Variants in SLC13A3 observed in about 807,000 individuals in gnomAD.
SLC13A3 encodes the protein solute carrier family 13 member 3.
SLC13A3 carries 40 observed loss-of-function variants against 59.0 expected under a neutral mutation model. The observed-to-expected ratio is 0.68, with a 90% CI of 0.53 to 0.88. SLC13A3 has a LOEUF of 0.88. Among genes scored for constraint, SLC13A3 ranks in the 40% least tolerant of loss-of-function variants. The pLI, the probability that SLC13A3 is intolerant of heterozygous loss-of-function variation, is 0.00. For missense variants in SLC13A3, 699 were observed against 783.2 expected, an observed-to-expected ratio of 0.89 and a Z score of 1.28; for synonymous variants, 317 against 330.3, an observed-to-expected ratio of 0.96 and a Z score of 0.44.
chr20:46,644,894 G>A (rs1249768943), intron 1 of SLC13A3, among the ~76,000 whole-genome samples: 1 of 152,178 alleles, frequency 6.6e-6, no homozygotes, highest in Non-Finnish European at 1.5e-5. Context: ...AGTCTGGTGG[G>A]GTGGTTTTGC....
chr20:46,655,964 T>A (rs958589263), upstream of SLC13A3, among the ~76,000 whole-genome samples: 9 of 142,950 alleles, frequency 6.3e-5, no homozygotes, highest in Non-Finnish European at 1.2e-4. Flanking sequence ...TATACATATA[T>A]GTATATATGT....
intron 10 of SLC13A3, among the ~76,000 whole-genome samples, chr20:46,573,310 T>C (rs1568913201): frequency 6.6e-6 from 1 of 152,194 alleles, no homozygotes; most frequent in Non-Finnish European, 1.5e-5. Flanking sequence ...TACCTGCACC[T>C]GGGGCAGCTT....
At chr20:46,652,942 C>T (rs1465119843), upstream of SLC13A3, among the ~76,000 whole-genome samples, 1 of 152,152 alleles carries the variant, frequency 6.6e-6, no homozygotes, top group Non-Finnish European at 1.5e-5. Flanking sequence ...TTATTTTAAC[C>T]ATTCTGACAG....
At chr20:46,588,282 G>A in intron 7 of SLC13A3, 119 bp from the exon 8 acceptor site, 1 of 584,402 alleles carries the variant, frequency 1.7e-6, no homozygotes, top group South Asian at 2.2e-5. Flanking sequence ...CTCTGAGAAA[G>A]CTGAAGTCAT....
At chr20:46,596,427 T>C in intron 4 of SLC13A3, 85 bp from the exon 5 acceptor site, 1 of 1,263,194 alleles carries the variant, frequency 7.9e-7, no homozygotes, top group Non-Finnish European at 1.1e-6. Flanking sequence ...CTAAGTGATC[T>C]TTCTAGAAGG....
intron 12 of SLC13A3, among the ~76,000 whole-genome samples, chr20:46,561,548 T>C (rs961406564): frequency 6.6e-6 from 1 of 152,150 alleles, no homozygotes; most frequent in Non-Finnish European, 1.5e-5. Context: ...TTTGCCGCTT[T>C]GCATTTATTT....
intron 2 of SLC13A3, among the ~76,000 whole-genome samples, chr20:46,613,051 A>G (rs76481552): frequency 0.021 from 3,137 of 151,864 alleles, 110 homozygotes; most frequent in African/African-American, 0.07. Context: ...CCACTACATC[A>G]CTATTTCACA....
chr20:46,645,881 GT>G (rs1021856073), intron 1 of SLC13A3, among the ~76,000 whole-genome samples: 2 of 152,208 alleles, frequency 1.3e-5, no homozygotes, highest in South Asian at 4.2e-4. Context: ...TTGCATTTAA[GT>G]TTTTTTAAAA....
chr20:46,597,660 C>T (rs910232787), intron 4 of SLC13A3, among the ~76,000 whole-genome samples: 10 of 152,130 alleles, frequency 6.6e-5, no homozygotes, highest in Non-Finnish European at 1.3e-4. Context: ...TGGTCTCGAA[C>T]TCCTCACCTC....
upstream of SLC13A3, among the ~76,000 whole-genome samples, chr20:46,655,262 C>T (rs2062976607): frequency 6.6e-6 from 1 of 150,430 alleles, no homozygotes; most frequent in Admixed American, 6.7e-5. Context: ...CACGTATATA[C>T]ACATATGTAT....
intron 3 of SLC13A3, among the ~76,000 whole-genome samples, chr20:46,607,432 G>C (rs1459525202): frequency 6.6e-6 from 1 of 152,170 alleles, no homozygotes; most frequent in Non-Finnish European, 1.5e-5. Flanking sequence ...CTGGATGAAA[G>C]GGAATAGCTC....
At chr20:46,611,787 C>T (rs761177270) in intron 2 of SLC13A3, among the ~76,000 whole-genome samples, 9 of 152,086 alleles carry the variant, frequency 5.9e-5, no homozygotes, top group Admixed American at 1.3e-4. Flanking sequence ...GCAGCTAAGA[C>T]GAATCTTTAA....
chr20:46,613,998 T>C (rs1448374822), intron 1 of SLC13A3: 2 of 367,232 alleles, frequency 5.4e-6, no homozygotes, highest in Non-Finnish European at 9.7e-6. Context: ...CTCATAGGAC[T>C]GTTTGAGAAT....
Position 46,560,012 on chromosome 20 carries a change from C to G in SLC13A3, c.*10G>C. 6.2e-7 allele frequency: 1 copy of G among 1,613,450 alleles called. No individual in the cohort carries two copies. The highest frequency in any genetic ancestry group is 8.5e-7 in the Non-Finnish European group (1 of 1,179,718). On this transcript the variant is annotated 3_prime_UTR_variant, in exon 13 of 13. Transcript: ENST00000279027. ...GAGGGTTCAGCCTCAAGGGAGTCCT[C>G]CAGGGGGACTCAGAGGGTCCGAAAT... is the stretch of plus-strand genomic sequence containing the variant.
chr20:46,610,905 G>A (rs186883254), intron 2 of SLC13A3, among the ~76,000 whole-genome samples: 21 of 151,920 alleles, frequency 1.4e-4, no homozygotes, highest in Admixed American at 3.3e-4. Flanking sequence ...TAAAGTTGCC[G>A]GGGCACCAAG....
chr20:46,614,249 C>T (rs2062533258), intron 1 of SLC13A3, among the ~76,000 whole-genome samples: 1 of 152,128 alleles, frequency 6.6e-6, no homozygotes, highest in African/African-American at 2.4e-5. Flanking sequence ...ACACCTGAAG[C>T]TCAATTCTGA....
intron 1 of SLC13A3, among the ~76,000 whole-genome samples, chr20:46,680,463 T>C (rs2063148808): frequency 6.6e-6 from 1 of 152,202 alleles, no homozygotes; most frequent in Admixed American, 6.5e-5. Context: ...CCCAGATCCC[T>C]TAAGGAAGCA....
chr20:46,595,780 T>C (rs1041118740), intron 5 of SLC13A3, among the ~76,000 whole-genome samples: 3 of 152,162 alleles, frequency 2.0e-5, no homozygotes, highest in African/African-American at 7.2e-5. Flanking sequence ...CTTTCCCTCC[T>C]GTGTCCACAT....
chr20:46,632,405 A>T (rs2062748056), intron 1 of SLC13A3, among the ~76,000 whole-genome samples: 1 of 151,854 alleles, frequency 6.6e-6, no homozygotes, highest in Admixed American at 6.6e-5. Context: ...CATGGGAATG[A>T]CGGCCTCACA....
Sources: allele counts gnomAD v4.1 joint callset (sites outside exome capture counted in the v4.1 genomes callset), GRCh38; gene constraint gnomAD v4.1.1; transcripts MANE v1.5; gene names NCBI Gene and HGNC (gene_info 2026-07-23, HGNC 2026-07-21).